Variants in TAF4B observed in about 807,000 individuals in gnomAD.
TAF4B encodes the protein transcription initiation factor TFIID subunit 4B.
A neutral mutation model predicts 86.4 loss-of-function variants in TAF4B; 38 were observed. The observed-to-expected ratio is 0.44, with a 90% CI of 0.34 to 0.58. TAF4B has a LOEUF of 0.58. Among genes scored for constraint, TAF4B ranks in the 20% least tolerant of loss-of-function variants. TAF4B has a pLI of 0.02. For missense variants in TAF4B, 988 were observed against 1,027.6 expected, an observed-to-expected ratio of 0.96 and a Z score of 0.53; for synonymous variants, 388 against 391.2, an observed-to-expected ratio of 0.99 and a Z score of 0.10.
At chr18:26,346,827 A>ATATATGTG (rs1567913910) in intron 13 of TAF4B, among the ~76,000 whole-genome samples, 5 of 25,978 alleles carry the variant, frequency 1.9e-4, no homozygotes, top group Non-Finnish European at 4.1e-4. Context: ...GTGTGTGTAT[A>ATATATGTG]TATATATATG....
intron 13 of TAF4B, among the ~76,000 whole-genome samples, chr18:26,353,728 T>C (rs1340292590): frequency 6.6e-6 from 1 of 152,246 alleles, no homozygotes; most frequent in African/African-American, 2.4e-5. Context: ...TTCAGCATTA[T>C]AGTTTAAGTC....
intron 1 of TAF4B, among the ~76,000 whole-genome samples, chr18:26,243,279 A>T (rs928976263): frequency 2.6e-5 from 4 of 150,990 alleles, no homozygotes; most frequent in Admixed American, 6.6e-5. Flanking sequence ...GGCTTTGTTT[A>T]TTTTTTTTTA....
intron 13 of TAF4B, among the ~76,000 whole-genome samples, chr18:26,343,017 C>A (rs1433037434): frequency 6.6e-6 from 1 of 152,184 alleles, no homozygotes; most frequent in Non-Finnish European, 1.5e-5. Context: ...CCACTGAATA[C>A]AACTATAAAA....
chr18:26,322,645 A>G (rs989638901), intron 11 of TAF4B, among the ~76,000 whole-genome samples: 17 of 152,056 alleles, frequency 1.1e-4, no homozygotes, highest in African/African-American at 4.1e-4. Flanking sequence ...CTTCTTTGCT[A>G]GTAAAGCGAA....
At chr18:26,228,730 A>G (rs2055616599) in intron 1 of TAF4B, among the ~76,000 whole-genome samples, 1 of 151,776 alleles carries the variant, frequency 6.6e-6, no homozygotes, top group African/African-American at 2.4e-5. Context: ...TTGCCACTGC[A>G]CTCCAGCCCA....
intron 13 of TAF4B, among the ~76,000 whole-genome samples, chr18:26,355,927 T>C (rs1426454753): frequency 6.6e-6 from 1 of 152,202 alleles, no homozygotes; most frequent in Admixed American, 6.5e-5. Flanking sequence ...ACAATTTATT[T>C]GTAAGTAAAC....
In TAF4B at chr18:26,370,647, C is replaced by A. The variant is rs1280681827; in HGVS notation, c.2421+12853C>A. Among the ~76,000 whole-genome samples the A allele has an allele frequency of 2.0e-5, 3 of 152,156 alleles. No homozygotes were observed. The East Asian group carries it at 5.8e-4, about 29-fold the overall frequency. On this transcript the variant is annotated intron_variant, in intron 14 of 14. Transcript: ENST00000269142. ...AGCCCCCAGAGAATGAGGTACGAAG[C>A]ACCTGATTTTGCCTGCAGTTACCTG...
At chr18:26,246,936 C>T (rs985549472) in intron 1 of TAF4B, among the ~76,000 whole-genome samples, 1 of 151,664 alleles carries the variant, frequency 6.6e-6, no homozygotes, top group Admixed American at 6.6e-5. Context: ...CTGCAACCCT[C>T]TCCCCCGCCA....
chr18:26,319,781 G>A (rs1159707690), intron 10 of TAF4B, among the ~76,000 whole-genome samples: 6 of 152,024 alleles, frequency 3.9e-5, no homozygotes, highest in South Asian at 2.1e-4. Flanking sequence ...GTAGAGACGG[G>A]GTTTCACCGT....
At position 26,315,132 on chromosome 18, in the gene TAF4B, CTCTCTCTCTCTCTG is replaced by C. The variant is rs1270360763; in HGVS notation, c.1833-83_1833-70del. ...TCTCTCTCTCTCTCTCTCTCTCTCTCTCTCTCTCTCTCTGTCTCTCTCTCTCTCTCACACACACA... is the reference window on the plus strand; with the variant it reads ...TCTCTCTCTCTCTCTCTCTCTCTCTCTCTCTCTCTCTCTCTCACACACACA... On this transcript the variant is annotated intron_variant, in intron 9 of 14. Coordinates refer to ENST00000269142, the MANE Select transcript of TAF4B (RefSeq NM_005640.3). 5.0e-3 allele frequency: 1,609 copies of C among 321,950 alleles called. 38 individuals carry two copies. The highest frequency in any genetic ancestry group is 0.044 in the African/African-American group (1,073 of 24,408). 19.9% of individuals were successfully genotyped at this position (321,950 alleles called of 1,614,324 possible).
intron 14 of TAF4B, among the ~76,000 whole-genome samples, chr18:26,386,021 G>GA (rs1285731935): frequency 6.6e-6 from 1 of 152,132 alleles, no homozygotes; most frequent in Non-Finnish European, 1.5e-5. Flanking sequence ...TCAGATTCAA[G>GA]AAAGATTGAC....
intron 5 of TAF4B, among the ~76,000 whole-genome samples, chr18:26,278,471 GT>G (rs2056409118): frequency 1.3e-5 from 2 of 152,034 alleles, no homozygotes; most frequent in African/African-American, 2.4e-5. Flanking sequence ...TGCCCAGCTA[GT>G]TTTAAAATAT....
At position 26,390,690 on chromosome 18, in the gene TAF4B, A is replaced by G. The variant is rs531169685; in HGVS notation, c.*678A>G. ...TGAATCTACTGATATATCTTGTTGAAAAAATGGAAAAGGTGCAAAGTATTA... is the reference window on the plus strand; with the variant it reads ...TGAATCTACTGATATATCTTGTTGAGAAAATGGAAAAGGTGCAAAGTATTA... On this transcript the variant is annotated 3_prime_UTR_variant, in exon 15 of 15. Coordinates refer to ENST00000269142, the MANE Select transcript of TAF4B (RefSeq NM_005640.3). 1.8e-4 allele frequency: 28 copies of G among 152,346 alleles called. No homozygotes were observed. The highest frequency in any genetic ancestry group is 6.7e-4 in the African/African-American group (28 of 41,574). 9.4% of individuals were successfully genotyped at this position (152,346 alleles called of 1,614,324 possible).
intron 2 of TAF4B, among the ~76,000 whole-genome samples, chr18:26,265,852 G>A (rs945132221): frequency 1.3e-5 from 2 of 151,372 alleles, no homozygotes; most frequent in South Asian, 2.1e-4. Context: ...ACTGCACCTG[G>A]CCTATTTGCA....
At chr18:26,308,493 A>G (rs1051676848) in intron 9 of TAF4B, among the ~76,000 whole-genome samples, 1 of 152,174 alleles carries the variant, frequency 6.6e-6, no homozygotes, top group African/African-American at 2.4e-5. Flanking sequence ...TATCTTATTT[A>G]TTTGTCATGA....
chr18:26,338,411 T>TG (rs976754035), intron 13 of TAF4B, among the ~76,000 whole-genome samples: 2 of 146,068 alleles, frequency 1.4e-5, no homozygotes, highest in African/African-American at 5.0e-5. Flanking sequence ...ATGGTGCCAC[T>TG]GGACTGACTC....
At chr18:26,252,823 A>T (rs2056026382) in intron 1 of TAF4B, among the ~76,000 whole-genome samples, 1 of 149,070 alleles carries the variant, frequency 6.7e-6, no homozygotes, top group Admixed American at 6.7e-5. Context: ...TAGTTATTTT[A>T]TTTATTTATA....
rs1031292935 is a variant in TAF4B, at chr18:26,322,937, C to T, written c.2133+1737C>T. On this transcript the variant is annotated intron_variant, in intron 11 of 14. Coordinates refer to ENST00000269142, the MANE Select transcript of TAF4B (RefSeq NM_005640.3). ...CATAAGTTTTGGTATGTTGTGTTGT[C>T]GTTTTCATTTATCTTTAAATATTTT... Among the ~76,000 whole-genome samples, 3 of 151,730 alleles carry T rather than the reference C, an allele frequency of 2.0e-5. No homozygotes were observed. The South Asian group carries it at 6.3e-4, about 32-fold the overall frequency.
chr18:26,294,555 TATATA>T (rs1210955561), intron 9 of TAF4B, among the ~76,000 whole-genome samples: 9 of 148,918 alleles, frequency 6.0e-5, no homozygotes, highest in Admixed American at 2.0e-4. Context: ...TATATACAAA[TATATA>T]AAATAAATTT....
Sources: allele counts gnomAD v4.1 joint callset (sites outside exome capture counted in the v4.1 genomes callset), GRCh38; gene constraint gnomAD v4.1.1; transcripts MANE v1.5; gene names NCBI Gene and HGNC (gene_info 2026-07-23, HGNC 2026-07-21).